The following CAMK2D variants were observed in gnomAD, a reference collection of about 807,000 sequenced individuals.
The protein encoded by CAMK2D is calcium/calmodulin dependent protein kinase II delta.
Under a neutral mutation model 84.0 loss-of-function variants are expected in CAMK2D, and 37 were observed. That is an observed-to-expected ratio of 0.44 (90% CI 0.34 to 0.58). CAMK2D has a LOEUF of 0.58. CAMK2D is among the 20% of genes least tolerant of loss of function. CAMK2D has a pLI of 0.02. For missense variants in CAMK2D, 448 were observed against 652.5 expected (o/e 0.69, Z 3.41); for synonymous variants, 202 against 212.5 (o/e 0.95, Z 0.43).
At chr4:113,486,281 C>T (rs969653406) in intron 16 of CAMK2D, among the ~76,000 whole-genome samples, 5 of 151,918 alleles carry the variant, frequency 3.3e-5, no homozygotes, top group Non-Finnish European at 7.4e-5. Context: ...TGCCACCATG[C>T]CTAATTTTTA....
intron 2 of CAMK2D, among the ~76,000 whole-genome samples, chr4:113,740,772 C>T (rs1375077309): frequency 3.9e-5 from 6 of 152,130 alleles, no homozygotes; most frequent in Non-Finnish European, 4.4e-5. Flanking sequence ...ATCCATCCTT[C>T]TCACTATTTC....
chr4:113,499,012 C>A (rs536868771), intron 16 of CAMK2D, among the ~76,000 whole-genome samples: 1 of 152,236 alleles, frequency 6.6e-6, no homozygotes, highest in South Asian at 2.1e-4. Context: ...GGACAATGAA[C>A]AAGTTTTCTT....
At chr4:113,588,550 A>T (rs1337832031) in intron 4 of CAMK2D, among the ~76,000 whole-genome samples, 1 of 152,220 alleles carries the variant, frequency 6.6e-6, no homozygotes, top group Non-Finnish European at 1.5e-5. Context: ...AATTTCTATG[A>T]TTCTGAGCAT....
chr4:113,646,513 G>T (rs1048678974), intron 3 of CAMK2D, among the ~76,000 whole-genome samples: 15 of 152,162 alleles, frequency 9.9e-5, no homozygotes, highest in African/African-American at 2.9e-4. Flanking sequence ...CAGCTGTCAG[G>T]GCAGGCCTCC....
rs777484667 is a variant in CAMK2D, at chr4:113,503,018, G to GT, written c.1045-42dup. 21 of 1,411,010 alleles carry GT rather than the reference G, an allele frequency of 1.5e-5. 1 individual carries two copies. In the South Asian group the frequency reaches 1.8e-4, roughly 12 times the overall value. The allele number at this position is 1,411,010 out of a possible 1,614,324, so 87.4% of individuals were successfully genotyped here. On this transcript the variant is annotated intron_variant, in intron 14 of 20. Transcript: ENST00000511664. ...ATAGAGAAAGAAACAGTTCGCATTGGTAAGTACATTCTTTCTAGTGTGAAG... is the reference window on the plus strand; with the variant it reads ...ATAGAGAAAGAAACAGTTCGCATTGGTTAAGTACATTCTTTCTAGTGTGAAG...
At chr4:113,676,099 C>A (rs909254483) in intron 2 of CAMK2D, among the ~76,000 whole-genome samples, 1 of 152,200 alleles carries the variant, frequency 6.6e-6, no homozygotes, top group African/African-American at 2.4e-5. Flanking sequence ...CTAAGTGGTT[C>A]TCTTTCCCCA....
At chr4:113,720,520 C>T (rs2099527358) in intron 2 of CAMK2D, among the ~76,000 whole-genome samples, 3 of 152,006 alleles carry the variant, frequency 2.0e-5, no homozygotes, top group Admixed American at 2.0e-4. Flanking sequence ...CTTAAGAAGA[C>T]TGGTGATTTG....
chr4:113,703,610 G>C (rs1030711511), intron 2 of CAMK2D, among the ~76,000 whole-genome samples: 3 of 152,134 alleles, frequency 2.0e-5, no homozygotes, highest in Non-Finnish European at 4.4e-5. Flanking sequence ...ACCACGCCTG[G>C]CCAGGGATTA....
At chr4:113,752,188 T>C (rs981492664) in intron 2 of CAMK2D, among the ~76,000 whole-genome samples, 21 of 151,628 alleles carry the variant, frequency 1.4e-4, no homozygotes, top group Non-Finnish European at 2.9e-5. Flanking sequence ...AGTTATTGAG[T>C]GGAGGCTTAT....
chr4:113,629,456 A>G (rs1282733720), intron 3 of CAMK2D, among the ~76,000 whole-genome samples: 2 of 152,248 alleles, frequency 1.3e-5, no homozygotes, highest in East Asian at 3.9e-4. Context: ...ATTACATTCC[A>G]TACAGTGACT....
rs1287739912 is a variant in CAMK2D at position 113,547,636 on chromosome 4, T to C, written c.414+8A>G. ...TGGTGGTTTATCTTCTTCAACCGCA[T>C]TACTCACCTTCAGGTCCCGATGGAC... On this transcript the variant is annotated splice_region_variant and intron_variant, in intron 6 of 20. Coordinates refer to ENST00000511664, the MANE Select transcript of CAMK2D (RefSeq NM_001321571.2). 3 of 1,542,404 alleles carry C rather than the reference T, an allele frequency of 1.9e-6. No individual in the cohort carries two copies. The highest frequency in any genetic ancestry group is 2.6e-6 in the Non-Finnish European group (3 of 1,142,778).
rs182726030 is a variant in CAMK2D at position 113,649,270 on chromosome 4, C to T, written c.220+12443G>A. Among the ~76,000 whole-genome samples, 354 of 152,208 alleles carry T rather than the reference C, an allele frequency of 2.3e-3. 5 individuals carry two copies. Among genetic ancestry groups the T allele is most frequent in the Middle Eastern group, 0.01 (3 of 294 alleles). On this transcript the variant is annotated intron_variant, in intron 3 of 20. Transcript: ENST00000511664. ...TATGCTTATTACTACTAAATCTGTC[C>T]TAAAAAACTGATATAATCATGAGTC... is the stretch of plus-strand genomic sequence containing the variant.
intron 4 of CAMK2D, among the ~76,000 whole-genome samples, chr4:113,558,591 T>C (rs2098681691): frequency 6.6e-6 from 1 of 152,198 alleles, no homozygotes; most frequent in African/African-American, 2.4e-5. Flanking sequence ...GCAGATTTTG[T>C]TATCTGAGAG....
chr4:113,554,747 G>C (rs2098653162), intron 4 of CAMK2D, among the ~76,000 whole-genome samples: 1 of 151,988 alleles, frequency 6.6e-6, no homozygotes, highest in South Asian at 2.1e-4. Flanking sequence ...ATAGTTATTA[G>C]ATATTTTTGA....
intron 2 of CAMK2D, among the ~76,000 whole-genome samples, chr4:113,702,428 A>G (rs1393616390): frequency 6.6e-6 from 1 of 152,192 alleles, no homozygotes; most frequent in South Asian, 2.1e-4. Flanking sequence ...GGCCAAAGGG[A>G]CCATCATTTG....
At chr4:113,469,370 A>C (rs1037900877) in intron 16 of CAMK2D, among the ~76,000 whole-genome samples, 3 of 151,700 alleles carry the variant, frequency 2.0e-5, no homozygotes, top group African/African-American at 4.8e-5. Flanking sequence ...GTCTTGGAAC[A>C]CTCTCCTTTT....
chr4:113,491,786 T>G lies in CAMK2D; in HGVS notation c.1135+8677A>C, dbSNP rs2097847249. ...CATCTGGTCCTGGACTCTTTTTGGTTGGTAAACTATTGATTATTGCCACAA... is the reference window on the plus strand; with the variant it reads ...CATCTGGTCCTGGACTCTTTTTGGTGGGTAAACTATTGATTATTGCCACAA... On this transcript the variant is annotated intron_variant, in intron 16 of 20. Coordinates refer to ENST00000511664, the MANE Select transcript of CAMK2D (RefSeq NM_001321571.2). Among the ~76,000 whole-genome samples, 4 of 152,232 alleles carry G rather than the reference T, an allele frequency of 2.6e-5. No individual in the cohort carries two copies. In the South Asian group the frequency reaches 8.3e-4, roughly 32 times the overall value.
At chr4:113,744,705 A>G (rs557466423) in intron 2 of CAMK2D, among the ~76,000 whole-genome samples, 2 of 152,302 alleles carry the variant, frequency 1.3e-5, no homozygotes, top group African/African-American at 4.8e-5. Flanking sequence ...AGTTTTATAG[A>G]TAAGAAAACC....
At chr4:113,537,841 A>G (rs2098503999) in intron 6 of CAMK2D, among the ~76,000 whole-genome samples, 1 of 152,226 alleles carries the variant, frequency 6.6e-6, no homozygotes. Flanking sequence ...AATAATAACA[A>G]GAGTTGGACC....
Sources: gnomAD v4.1 joint callset for allele counts (sites outside exome capture counted in the v4.1 genomes callset) on GRCh38, gnomAD v4.1.1 for gene constraint, MANE v1.5 for transcripts, NCBI Gene and HGNC (gene_info 2026-07-23, HGNC 2026-07-21) for gene names.